Variants in FILIP1L observed in about 807,000 individuals in gnomAD.
FILIP1L encodes filamin A-interacting protein 1-like.
A neutral mutation model predicts 96.6 loss-of-function variants in FILIP1L; 55 were observed. That is an observed-to-expected ratio of 0.57 (90% CI 0.46 to 0.71). The LOEUF is 0.71. Among genes scored for constraint, FILIP1L ranks in the 30% least tolerant of loss-of-function variants. The probability of loss-of-function intolerance (pLI) is 0.00; values close to 1 mark genes in which losing one functional copy is unlikely to be tolerated. For missense variants in FILIP1L, 1,304 were observed against 1,321.2 expected (o/e 0.99, Z 0.20); for synonymous variants, 467 against 473.9 (o/e 0.99, Z 0.19).
chr3:100,034,811 T>TA (rs1323374720), intron 1 of FILIP1L, among the ~76,000 whole-genome samples: 2 of 152,168 alleles, frequency 1.3e-5, no homozygotes. Context: ...TATGCAGCCT[T>TA]AGGAGAATAT....
chr3:99,941,080 T>C (rs527728380), intron 1 of FILIP1L, among the ~76,000 whole-genome samples: 9 of 152,380 alleles, frequency 5.9e-5, no homozygotes, highest in Non-Finnish European at 1.2e-4. Context: ...CATATAAGTT[T>C]AGTCTGAAAC....
chr3:100,039,447 A>T (rs2065164065), intron 1 of FILIP1L, among the ~76,000 whole-genome samples: 1 of 152,212 alleles, frequency 6.6e-6, no homozygotes, highest in African/African-American at 2.4e-5. Context: ...GTTCTACAAA[A>T]ATACCAACTT....
At chr3:100,059,025 G>A (rs1311775387) in intron 1 of FILIP1L, among the ~76,000 whole-genome samples, 1 of 152,150 alleles carries the variant, frequency 6.6e-6, no homozygotes, top group Non-Finnish European at 1.5e-5. Context: ...TTTAGATTTT[G>A]TAGATAGACT....
intron 1 of FILIP1L, among the ~76,000 whole-genome samples, chr3:99,965,814 T>C (rs1708632912): frequency 6.6e-6 from 1 of 152,188 alleles, no homozygotes; most frequent in Non-Finnish European, 1.5e-5. Flanking sequence ...ATAAACTGCA[T>C]GCTGTTTGCA....
intron 4 of FILIP1L, among the ~76,000 whole-genome samples, chr3:99,880,075 G>T (rs116360596): frequency 2.6e-5 from 4 of 152,080 alleles, no homozygotes; most frequent in African/African-American, 7.2e-5. Flanking sequence ...TCTACTCTCC[G>T]ATCCCTTCTC....
In FILIP1L at chr3:99,850,348, G is replaced by C. The variant is rs747343421; in HGVS notation, c.1328C>G (p.Ser443Cys). ...TTCTTTTTCTAAATTGCATTTCAGA[G>C]AGTAGCATTCTTGTTTGCTTTTGTT... The part of the protein sequence containing the change: ...AFNKSKQECY[S>C]LKCNLEKERM... Residue 443 changes from serine (S) to cysteine (C), a missense_variant, in exon 5 of 6, where the codon TCT becomes TGT. Physicochemically the swap from Ser to Cys is moderately radical, Grantham distance 112. Coordinates refer to ENST00000477258, the MANE Select transcript of FILIP1L (RefSeq NM_001387850.1). 1 of 1,613,084 alleles carries C rather than the reference G, an allele frequency of 6.2e-7. No individual in the cohort carries two copies. Among genetic ancestry groups the C allele is most frequent in the South Asian group, 1.1e-5 (1 of 90,782 alleles).
At chr3:99,915,034 C>A (rs963555951) in intron 4 of FILIP1L, among the ~76,000 whole-genome samples, 22 of 152,072 alleles carry the variant, frequency 1.4e-4, no homozygotes, top group African/African-American at 5.3e-4. Flanking sequence ...ATCTTAAAAT[C>A]CCCTTTTAGG....
At chr3:99,975,491 C>T (rs554231178) in intron 1 of FILIP1L, among the ~76,000 whole-genome samples, 1 of 151,962 alleles carries the variant, frequency 6.6e-6, no homozygotes, top group African/African-American at 2.4e-5. Context: ...ACTCGGGAGG[C>T]TGAGGCAGGA....
At chr3:99,917,473 C>T (rs557973380) in intron 4 of FILIP1L, among the ~76,000 whole-genome samples, 18 of 152,302 alleles carry the variant, frequency 1.2e-4, no homozygotes, top group African/African-American at 4.3e-4. Context: ...TCTACTCTGA[C>T]TCTGCAACTA....
At chr3:99,907,499 G>A (rs558979426) in intron 4 of FILIP1L, among the ~76,000 whole-genome samples, 4 of 152,112 alleles carry the variant, frequency 2.6e-5, no homozygotes, top group South Asian at 4.1e-4. Context: ...CACCCGCCTC[G>A]GCCTCCCAAA....
intron 4 of FILIP1L, among the ~76,000 whole-genome samples, chr3:99,871,077 T>C (rs1000321351): frequency 1.1e-4 from 16 of 152,172 alleles, no homozygotes; most frequent in African/African-American, 3.9e-4. Flanking sequence ...GCATCTGACT[T>C]AGTCTGCCTA....
At chr3:100,095,501 G>A (rs2107445023) in intron 1 of FILIP1L, among the ~76,000 whole-genome samples, 1 of 151,872 alleles carries the variant, frequency 6.6e-6, no homozygotes, top group Middle Eastern at 3.4e-3. Context: ...CAGTCATACC[G>A]AGAACATGCA....
chr3:100,047,891 A>G (rs1434759574), intron 1 of FILIP1L, among the ~76,000 whole-genome samples: 1 of 152,130 alleles, frequency 6.6e-6, no homozygotes, highest in Non-Finnish European at 1.5e-5. Context: ...AAATGATAGG[A>G]TGGAGGTAGC....
intron 1 of FILIP1L, among the ~76,000 whole-genome samples, chr3:100,077,631 A>G (rs1395032712): frequency 1.3e-5 from 2 of 152,208 alleles, no homozygotes; most frequent in Non-Finnish European, 2.9e-5. Flanking sequence ...AGTAAAAATA[A>G]TAAGGAATTG....
At chr3:99,893,200 C>G (rs1160054573) in intron 4 of FILIP1L, among the ~76,000 whole-genome samples, 2 of 137,218 alleles carry the variant, frequency 1.5e-5, no homozygotes, top group African/African-American at 2.7e-5. Flanking sequence ...GAGTCTCACT[C>G]TGTTGCCCAG....
intron 5 of FILIP1L, among the ~76,000 whole-genome samples, chr3:99,842,668 A>G (rs1039548050): frequency 6.6e-6 from 1 of 152,196 alleles, no homozygotes; most frequent in African/African-American, 2.4e-5. Context: ...TTGATCAACA[A>G]TTTTGACAAT....
At chr3:99,895,080 G>GCCAT (rs77754507) in intron 4 of FILIP1L, among the ~76,000 whole-genome samples, 3,364 of 152,238 alleles carry the variant, frequency 0.022, 234 homozygotes, top group East Asian at 0.19. Flanking sequence ...CCCTCCAGGT[G>GCCAT]CCATCCTTCG....
chr3:99,919,564 G>A (rs924167468), intron 4 of FILIP1L, among the ~76,000 whole-genome samples: 1 of 151,768 alleles, frequency 6.6e-6, no homozygotes, highest in African/African-American at 2.4e-5. Flanking sequence ...ACTCATTCAT[G>A]TATGTATTTC....
At chr3:100,075,281 A>G (rs1182937557) in intron 1 of FILIP1L, among the ~76,000 whole-genome samples, 1 of 152,228 alleles carries the variant, frequency 6.6e-6, no homozygotes, top group African/African-American at 2.4e-5. Flanking sequence ...GACACAAGAG[A>G]ACAATCTAGA....
Sources: allele counts gnomAD v4.1 joint callset (sites outside exome capture counted in the v4.1 genomes callset), GRCh38; gene constraint gnomAD v4.1.1; transcripts MANE v1.5; gene names NCBI Gene and HGNC (gene_info 2026-07-23, HGNC 2026-07-21).